TTLL5: variants seen among roughly 807,000 people sequenced by gnomAD.
TTLL5 encodes the protein tubulin tyrosine ligase like 5.
In TTLL5, 132 loss-of-function variants were observed where a neutral mutation model predicts 168.4. The ratio of observed to expected loss-of-function variants is 0.78; its 90% CI spans 0.68 to 0.91. The LOEUF is 0.91. Among genes scored for constraint, TTLL5 ranks in the 40% least tolerant of loss-of-function variants. The pLI, the probability that TTLL5 is intolerant of heterozygous loss-of-function variation, is 0.00. For missense variants in TTLL5, 1,545 were observed against 1,581.5 expected (o/e 0.98, Z 0.39); for synonymous variants, 546 against 558.6 (o/e 0.98, Z 0.32).
intron 31 of TTLL5, among the ~76,000 whole-genome samples, chr14:75,940,005 C>G (rs1339370990): frequency 6.6e-6 from 1 of 150,766 alleles, no homozygotes; most frequent in Non-Finnish European, 1.5e-5. Flanking sequence ...TAGCATAAAT[C>G]AATTTATAGC....
At chr14:75,896,850 C>T (rs886703735) in intron 30 of TTLL5, among the ~76,000 whole-genome samples, 16 of 152,134 alleles carry the variant, frequency 1.1e-4, no homozygotes, top group African/African-American at 3.6e-4. Flanking sequence ...GGCTATTGCT[C>T]ATTATAACCC....
intron 3 of TTLL5, among the ~76,000 whole-genome samples, chr14:75,674,240 A>T (rs141732889): frequency 6.6e-6 from 1 of 152,182 alleles, no homozygotes; most frequent in East Asian, 1.9e-4. Flanking sequence ...CTTGTGGCTT[A>T]ATAATTTTCT....
intron 31 of TTLL5, among the ~76,000 whole-genome samples, chr14:75,952,066 T>C (rs2034977742): frequency 6.6e-6 from 1 of 152,168 alleles, no homozygotes; most frequent in African/African-American, 2.4e-5. Flanking sequence ...CTAAAATACA[T>C]ACAGAGCGCT....
At position 75,888,917 on chromosome 14, in the gene TTLL5, CAG is replaced by C. The variant is rs1284315450; in HGVS notation, c.3740+6023_3740+6024del. Among the ~76,000 whole-genome samples the C allele has an allele frequency of 2.6e-5, 3 of 113,978 alleles. No individual in the cohort carries two copies. The Admixed American group carries it at 3.0e-4, about 12-fold the overall frequency. 74.8% of individuals were successfully genotyped at this position (113,978 alleles called of 152,430 possible). ...CACCACTGCACTCCAGCCTGGGCAA[CAG>C]AGAGAGACTGTCTCCGAAAAAAAAA... On this transcript the variant is annotated intron_variant, in intron 30 of 31. Transcript: ENST00000298832.
chr14:75,662,028 A>C (rs1245577442), intron 1 of TTLL5, among the ~76,000 whole-genome samples: 1 of 152,196 alleles, frequency 6.6e-6, no homozygotes, highest in Non-Finnish European at 1.5e-5. Flanking sequence ...TGACACACAC[A>C]ACGAACATGT....
At chr14:75,766,605 G>T (rs977915844) in intron 20 of TTLL5, among the ~76,000 whole-genome samples, 17 of 152,280 alleles carry the variant, frequency 1.1e-4, no homozygotes, top group African/African-American at 3.8e-4. Flanking sequence ...TTGGGCATTT[G>T]TGTCAGTCAC....
chr14:75,893,487 T>G (rs2032503001), intron 30 of TTLL5, among the ~76,000 whole-genome samples: 1 of 152,180 alleles, frequency 6.6e-6, no homozygotes, highest in Non-Finnish European at 1.5e-5. Context: ...ATAATAAACT[T>G]TCAGTCTAGA....
intron 21 of TTLL5, 146 bp from the exon 22 acceptor site, chr14:75,775,338 C>T: frequency 1.1e-6 from 1 of 895,482 alleles, no homozygotes; most frequent in Non-Finnish European, 1.7e-6. Context: ...CTTCTTATAC[C>T]TAACCTTTTT....
Position 75,663,128 on chromosome 14 carries a change from T to A in TTLL5, c.-22T>A. Reference sequence around the variant, plus strand: ...GTCTCTGAGGCCCCCGTCTGCTGACTGCATGACAAACCCTAAAGGAAATGC... The same window carrying A: ...GTCTCTGAGGCCCCCGTCTGCTGACAGCATGACAAACCCTAAAGGAAATGC... On this transcript the variant is annotated 5_prime_UTR_variant, in exon 2 of 32. Transcript: ENST00000298832. 1 of 1,612,258 alleles carries A rather than the reference T, an allele frequency of 6.2e-7. No homozygotes were observed. Among genetic ancestry groups the A allele is most frequent in the Non-Finnish European group, 8.5e-7 (1 of 1,179,116 alleles).
chr14:75,862,711 T>G (rs1212822676), intron 28 of TTLL5, among the ~76,000 whole-genome samples: 1 of 151,978 alleles, frequency 6.6e-6, no homozygotes, highest in African/African-American at 2.4e-5. Context: ...GAGGCTGAGG[T>G]GGGCAGATCG....
At chr14:75,749,545 G>A (rs1889820179) in intron 17 of TTLL5, among the ~76,000 whole-genome samples, 1 of 95,346 alleles carries the variant, frequency 1.0e-5, no homozygotes, top group Non-Finnish European at 2.3e-5. Flanking sequence ...AGCCATGTAT[G>A]GGGAGTGCTG....
chr14:75,763,810 G>A (rs1433114238), intron 18 of TTLL5, among the ~76,000 whole-genome samples: 2 of 152,138 alleles, frequency 1.3e-5, no homozygotes, highest in African/African-American at 4.8e-5. Flanking sequence ...TGTAGCTGGT[G>A]CCAGCCCCCT....
rs2140024289 is a variant in TTLL5 at position 75,882,895 on chromosome 14, G to A, written c.3733G>A (p.Ala1245Thr). 6.2e-7 allele frequency: 1 copy of A among 1,614,048 alleles called. No homozygotes were observed. Among genetic ancestry groups the A allele is most frequent in the Non-Finnish European group, 8.5e-7 (1 of 1,179,960 alleles). ...GCTCAGAAGGGCAACATCCCAGAAA[G>A]CTTCCAAGTAAGTTTTTTTCTGTTC... The part of the protein sequence containing the change: ...QVLRRATSQK[A>T]SKGSSAEGQL... Residue 1245 changes from alanine to threonine, a missense_variant, in exon 30 of 32, where the codon GCT (alanine) becomes ACT (threonine). Ala to Thr is a moderately conservative substitution (Grantham distance 58). Coordinates refer to ENST00000298832, the MANE Select transcript of TTLL5 (RefSeq NM_015072.5).
chr14:75,916,703 G>T lies in TTLL5; in HGVS notation c.3823+14479G>T, dbSNP rs142117584. 7.3e-4 allele frequency among the ~76,000 whole-genome samples: 111 copies of T among 152,290 alleles called. No homozygotes were observed. In the East Asian group the frequency reaches 0.019, roughly 26 times the overall value. The stretch of plus-strand genomic sequence containing the variant: ...TCATTCTGTGTGCGTATGCCCAAAA[G>T]AATTGAAAGCAGAGACAGAAACAGA... On this transcript the variant is annotated intron_variant, in intron 31 of 31. Transcript: ENST00000298832.
intron 31 of TTLL5, among the ~76,000 whole-genome samples, chr14:75,949,826 G>A (rs2034900020): frequency 6.7e-6 from 1 of 149,892 alleles, no homozygotes; most frequent in Non-Finnish European, 1.5e-5. Context: ...CTCCAGCCTG[G>A]ACAATAGAGC....
chr14:75,890,776 G>A (rs549354134), intron 30 of TTLL5, among the ~76,000 whole-genome samples: 41 of 152,270 alleles, frequency 2.7e-4, no homozygotes, highest in African/African-American at 9.6e-4. Flanking sequence ...CTGGAGTGCA[G>A]TGGCGCGATC....
chr14:75,872,099 T>C (rs2031084603), intron 29 of TTLL5, among the ~76,000 whole-genome samples: 1 of 152,256 alleles, frequency 6.6e-6, no homozygotes, highest in Admixed American at 6.5e-5. Context: ...ATTTAGCCAG[T>C]TGAGCTTTCT....
At chr14:75,703,934 G>A (rs1886461837) in intron 7 of TTLL5, among the ~76,000 whole-genome samples, 1 of 152,142 alleles carries the variant, frequency 6.6e-6, no homozygotes, top group Admixed American at 6.5e-5. Context: ...TGAGTAGAAT[G>A]GCATGCAGCA....
At chr14:75,736,708 G>A (rs1243069180) in intron 15 of TTLL5, among the ~76,000 whole-genome samples, 1 of 152,152 alleles carries the variant, frequency 6.6e-6, no homozygotes, top group Non-Finnish European at 1.5e-5. Context: ...ATGTCTTTGA[G>A]CTAGATTCAG....
Sources: allele counts gnomAD v4.1 joint callset (sites outside exome capture counted in the v4.1 genomes callset), GRCh38; gene constraint gnomAD v4.1.1; transcripts MANE v1.5; gene names NCBI Gene and HGNC (gene_info 2026-07-23, HGNC 2026-07-21).